Variants in LRMDA observed in about 807,000 individuals in gnomAD.
The protein encoded by LRMDA is leucine rich melanocyte differentiation associated.
A neutral mutation model predicts 29.8 loss-of-function variants in LRMDA; 18 were observed. The ratio of observed to expected loss-of-function variants is 0.60; its 90% CI spans 0.42 to 0.90. LRMDA has a LOEUF of 0.90. LRMDA is among the 40% of genes least tolerant of loss of function. LRMDA has a pLI of 0.00. For synonymous variants in LRMDA, 125 were observed against 109.4 expected (o/e 1.14, Z -0.89); for missense variants, 273 against 273.9 (o/e 1.00, Z 0.02).
At chr10:76,513,357 A>G (rs1442603746) in intron 6 of LRMDA, among the ~76,000 whole-genome samples, 1 of 152,154 alleles carries the variant, frequency 6.6e-6, no homozygotes, top group Non-Finnish European at 1.5e-5. Context: ...TAGATTTCTA[A>G]TTGGATCAAA....
chr10:76,268,498 A>G (rs1468819248), intron 5 of LRMDA, among the ~76,000 whole-genome samples: 1 of 152,128 alleles, frequency 6.6e-6, no homozygotes, highest in African/African-American at 2.4e-5. Flanking sequence ...CTTATATTAG[A>G]TCAAACTCGA....
At chr10:75,690,802 TAAAAAATA>T (rs914776792) in intron 2 of LRMDA, among the ~76,000 whole-genome samples, 8 of 150,858 alleles carry the variant, frequency 5.3e-5, no homozygotes, top group Admixed American at 1.3e-4. Flanking sequence ...TCTCTCTCTC[TAAAAAATA>T]AAAAAATAAA....
intron 5 of LRMDA, among the ~76,000 whole-genome samples, chr10:76,205,628 A>G (rs1050988770): frequency 2.6e-5 from 4 of 152,196 alleles, no homozygotes; most frequent in Non-Finnish European, 5.9e-5. Context: ...TGAGAAAGTT[A>G]GAAAATATAG....
chr10:76,198,404 G>A (rs561210446), intron 5 of LRMDA, among the ~76,000 whole-genome samples: 1 of 152,314 alleles, frequency 6.6e-6, no homozygotes, highest in South Asian at 2.1e-4. Flanking sequence ...GCATTGTTTG[G>A]ACAAAGGCTT....
chr10:75,697,387 G>A (rs572094311), intron 2 of LRMDA, among the ~76,000 whole-genome samples: 29 of 151,788 alleles, frequency 1.9e-4, no homozygotes, highest in African/African-American at 6.8e-4. Flanking sequence ...ATAGGCTCCA[G>A]GTTTTTAGAC....
chr10:76,434,978 T>C (rs1311156129), intron 6 of LRMDA, among the ~76,000 whole-genome samples: 3 of 152,152 alleles, frequency 2.0e-5, no homozygotes. Flanking sequence ...TACAGACCCT[T>C]CTTATTCTTA....
intron 5 of LRMDA, among the ~76,000 whole-genome samples, chr10:76,119,020 A>G (rs924463728): frequency 6.6e-6 from 1 of 152,068 alleles, no homozygotes; most frequent in Admixed American, 6.6e-5. Flanking sequence ...GTTCCTGATA[A>G]TATGACACAA....
chr10:76,035,912 A>C, intron 2 of LRMDA, 96 bp from the exon 3 acceptor site: 1 of 1,301,834 alleles, frequency 7.7e-7, no homozygotes. Context: ...AACTATTCCC[A>C]GTCCTGAAAG....
At chr10:76,012,547 A>G (rs554899937) in intron 2 of LRMDA, among the ~76,000 whole-genome samples, 13 of 152,282 alleles carry the variant, frequency 8.5e-5, no homozygotes, top group Admixed American at 2.0e-4. Flanking sequence ...CTTTAAATAC[A>G]TAGTCCTTTT....
Position 75,739,069 on chromosome 10 carries a change from C to T in LRMDA, c.132-296939C>T, listed in dbSNP as rs185896445. Among the ~76,000 whole-genome samples, 504 of 152,268 alleles carry T rather than the reference C, an allele frequency of 3.3e-3. 5 individuals are homozygous for T. Among genetic ancestry groups the T allele is most frequent in the African/African-American group, 0.012 (484 of 41,554 alleles). On this transcript the variant is annotated intron_variant, in intron 2 of 6. Transcript: ENST00000611255. ...TCAGGCCTGGGCTGTGTGGCCGCTG[C>T]GAGAGGCAGGCGGAGGTCACCTCAA... is the stretch of plus-strand genomic sequence containing the variant.
intron 5 of LRMDA, among the ~76,000 whole-genome samples, chr10:76,175,950 G>A (rs547756246): frequency 9.2e-5 from 14 of 152,254 alleles, no homozygotes; most frequent in South Asian, 4.2e-4. Flanking sequence ...ACAGCTAGCC[G>A]CTCTGCCTGC....
At chr10:76,271,621 G>A (rs1840068938) in intron 5 of LRMDA, among the ~76,000 whole-genome samples, 1 of 152,000 alleles carries the variant, frequency 6.6e-6, no homozygotes, top group South Asian at 2.1e-4. Context: ...TCTCATTTTG[G>A]CCAGAAATAT....
chr10:75,635,871 T>A (rs963212272), intron 2 of LRMDA, among the ~76,000 whole-genome samples: 4 of 152,088 alleles, frequency 2.6e-5, no homozygotes, highest in Admixed American at 2.6e-4. Flanking sequence ...GGGCTCGTAC[T>A]GCACCCTGTT....
chr10:76,178,959 C>T (rs1850991627), intron 5 of LRMDA, among the ~76,000 whole-genome samples: 1 of 152,186 alleles, frequency 6.6e-6, no homozygotes, highest in African/African-American at 2.4e-5. Context: ...CGTGTTTGTT[C>T]ACAAGAGAAC....
intron 2 of LRMDA, among the ~76,000 whole-genome samples, chr10:75,853,582 A>G (rs1432630984): frequency 2.0e-5 from 3 of 152,158 alleles, no homozygotes; most frequent in Non-Finnish European, 4.4e-5. Context: ...CTGCTAAATC[A>G]TTTGTGCATC....
chr10:75,446,857 C>T (rs1456709309), intron 2 of LRMDA, among the ~76,000 whole-genome samples: 3 of 152,202 alleles, frequency 2.0e-5, no homozygotes, highest in Non-Finnish European at 2.9e-5. Flanking sequence ...AATTCCCCAC[C>T]CAGACTCTCA....
At chr10:75,660,750 G>A (rs1841742059) in intron 2 of LRMDA, among the ~76,000 whole-genome samples, 1 of 151,212 alleles carries the variant, frequency 6.6e-6, no homozygotes, top group Admixed American at 6.6e-5. Context: ...TTTGAGACTT[G>A]GGGGAGGAAA....
At chr10:75,485,361 A>G (rs187489171) in intron 2 of LRMDA, among the ~76,000 whole-genome samples, 31 of 152,234 alleles carry the variant, frequency 2.0e-4, no homozygotes, top group Admixed American at 1.6e-3. Flanking sequence ...GTAGTTGATT[A>G]TTATTTTAAT....
intron 2 of LRMDA, among the ~76,000 whole-genome samples, chr10:75,926,570 T>C (rs1169131109): frequency 2.0e-5 from 3 of 152,226 alleles, no homozygotes; most frequent in East Asian, 3.9e-4. Context: ...CAGTATACTA[T>C]GAAATTGCTC....
Sources: gnomAD v4.1 joint callset for allele counts (sites outside exome capture counted in the v4.1 genomes callset) on GRCh38, gnomAD v4.1.1 for gene constraint, MANE v1.5 for transcripts, NCBI Gene and HGNC (gene_info 2026-07-23, HGNC 2026-07-21) for gene names.